CCDC13: variants seen among roughly 807,000 people sequenced by gnomAD.
CCDC13 encodes coiled-coil domain-containing protein 13.
CCDC13 carries 70 observed loss-of-function variants against 87.3 expected under a neutral mutation model. The ratio of observed to expected loss-of-function variants is 0.80; its 90% CI spans 0.66 to 0.98. The LOEUF (loss-of-function observed/expected upper bound fraction) is 0.98. CCDC13 is among the 50% of genes least tolerant of loss of function. CCDC13 has a pLI of 0.00. For synonymous variants in CCDC13, 317 were observed against 360.3 expected (o/e 0.88, Z 1.36); for missense variants, 842 against 892.0 (o/e 0.94, Z 0.71).
intron 11 of CCDC13, 74 bp downstream of exon 11, chr3:42,733,396 G>C: frequency 6.3e-7 from 1 of 1,578,554 alleles, no homozygotes; most frequent in Non-Finnish European, 8.7e-7. Context: ...TCCCATCAGA[G>C]GTAGCAAGAA....
In CCDC13 at chr3:42,767,808, C is replaced by T. The variant is rs1049234306; in HGVS notation, c.-7+5368G>A. Among the ~76,000 whole-genome samples, 4 of 152,146 alleles carry T rather than the reference C, an allele frequency of 2.6e-5. No homozygotes were observed. The Middle Eastern group carries it at 0.01, about 388-fold the overall frequency. Reference sequence around the variant, plus strand: ...TGGCAAATGTGGTAAAACCCCGTCTCTACTAAAAATACAAAAATTGCCAGG... The same window carrying T: ...TGGCAAATGTGGTAAAACCCCGTCTTTACTAAAAATACAAAAATTGCCAGG... On this transcript the variant is annotated intron_variant, in intron 1 of 15. Transcript: ENST00000310232.
At chr3:42,770,527 T>C (rs13064320) in intron 1 of CCDC13, 26,678 of 152,200 alleles carry the variant, frequency 0.18, 2,509 homozygotes, top group South Asian at 0.26. Flanking sequence ...GGGCTCTCTG[T>C]AAAATGGACC....
chr3:42,731,165 A>AC (rs1250977383), intron 12 of CCDC13, among the ~76,000 whole-genome samples: 1 of 143,168 alleles, frequency 7.0e-6, no homozygotes, highest in Admixed American at 6.9e-5. Flanking sequence ...CCCAACTTCA[A>AC]CCCCCCAGAG....
At chr3:42,711,246 C>CAAAAAAAAAAAAAAAAAAA (rs1174084143) in intron 14 of CCDC13, among the ~76,000 whole-genome samples, 8 of 75,330 alleles carry the variant, frequency 1.1e-4, no homozygotes, top group African/African-American at 4.5e-4. Flanking sequence ...ACTCTGTCTC[C>CAAAAAAAAAAAAAAAAAAA]AAAAAAAAAA....
At chr3:42,749,071 A>T (rs1340707827) in intron 5 of CCDC13, among the ~76,000 whole-genome samples, 2 of 151,786 alleles carry the variant, frequency 1.3e-5, no homozygotes, top group African/African-American at 2.4e-5. Flanking sequence ...CCTTTTTTTT[A>T]AAGTATATTT....
At chr3:42,758,597 C>T (rs1463796816) in intron 1 of CCDC13, among the ~76,000 whole-genome samples, 1 of 152,202 alleles carries the variant, frequency 6.6e-6, no homozygotes, top group African/African-American at 2.4e-5. Flanking sequence ...CTCCATCACT[C>T]AGACTCAACA....
chr3:42,729,137 G>C (rs1341546839), intron 13 of CCDC13, among the ~76,000 whole-genome samples: 1 of 152,194 alleles, frequency 6.6e-6, no homozygotes, highest in East Asian at 1.9e-4. Context: ...GAAGCCACTA[G>C]GTTTGGGATG....
At chr3:42,738,232 G>A (rs1360390537) in intron 9 of CCDC13, among the ~76,000 whole-genome samples, 1 of 152,128 alleles carries the variant, frequency 6.6e-6, no homozygotes, top group East Asian at 1.9e-4. Flanking sequence ...GATGTGTGGT[G>A]TTATTTCTGA....
intron 5 of CCDC13, among the ~76,000 whole-genome samples, chr3:42,748,483 G>T (rs1559655100): frequency 6.6e-6 from 1 of 152,238 alleles, no homozygotes; most frequent in South Asian, 2.1e-4. Context: ...TGAACTTCAG[G>T]AAGCAGGGCT....
chr3:42,747,144 G>A (rs1449533284), intron 6 of CCDC13, 113 bp downstream of exon 6: 8 of 825,486 alleles, frequency 9.7e-6, no homozygotes. Context: ...CAAGCAGTGT[G>A]CTCAAGGGAC....
rs869064282 is a variant in CCDC13 at position 42,772,267 on chromosome 3, CAAAAAAAAA to C, written c.-7+900_-7+908del. On this transcript the variant is annotated intron_variant, in intron 1 of 15. Transcript: ENST00000310232. ...CCTGGGCGATAGAGCGAGACTCCGT[CAAAAAAAAA>C]AAAAAAAAAAAAAAGTAATAATAAA... 6.9e-4 allele frequency among the ~76,000 whole-genome samples: 79 copies of C among 113,850 alleles called. 1 individual carries two copies. Among genetic ancestry groups the C allele is most frequent in the African/African-American group, 2.6e-3 (77 of 29,228 alleles). 74.7% of individuals were successfully genotyped at this position (113,850 alleles called of 152,430 possible).
chr3:42,739,542 G>T, intron 9 of CCDC13, 92 bp downstream of exon 9: 7 of 1,388,380 alleles, frequency 5.0e-6, no homozygotes, highest in Non-Finnish European at 6.9e-6. Context: ...TGGCATTGAG[G>T]GGTGAGTGAG....
rs117005887 is a variant in CCDC13 at position 42,732,944 on chromosome 3, A to C, written c.1538T>G (p.Leu513Arg). ...AGGCCTCGTGAGAGCAGATTCCACC[A>C]GTGTGTGGCCCAGGCTGGTCACAGA... ...SRSVTSLGHTLVESALTRPSL... is the reference protein window; with the variant it reads ...SRSVTSLGHTRVESALTRPSL... The change falls in exon 12 of 16, where the codon CTG becomes CGG. Residue 513 changes from leucine (L) to arginine (R), a missense_variant. Physicochemically the swap from Leu to Arg is moderately radical, Grantham distance 102. Coordinates refer to ENST00000310232, the MANE Select transcript of CCDC13 (RefSeq NM_144719.4). 3.0e-5 allele frequency: 47 copies of C among 1,553,746 alleles called. No homozygotes were observed. In the East Asian group the frequency reaches 1.1e-3, roughly 38 times the overall value.
Position 42,708,968 on chromosome 3 carries a change from T to A in CCDC13, c.*12A>T. 6.2e-7 allele frequency: 1 copy of A among 1,606,942 alleles called. No individual in the cohort carries two copies. Among genetic ancestry groups the A allele is most frequent in the Non-Finnish European group, 8.5e-7 (1 of 1,176,552 alleles). On this transcript the variant is annotated 3_prime_UTR_variant, in exon 16 of 16. Coordinates refer to ENST00000310232, the MANE Select transcript of CCDC13 (RefSeq NM_144719.4). Reference sequence around the variant, plus strand: ...GCTGCCCACCCGGCCAGGCCGACACTGGGCTGTCATCCTATTGCTTGCCTG... The same window carrying A: ...GCTGCCCACCCGGCCAGGCCGACACAGGGCTGTCATCCTATTGCTTGCCTG...
intron 8 of CCDC13, 51 bp downstream of exon 8, chr3:42,742,845 C>T (rs750960688): frequency 6.2e-7 from 1 of 1,604,352 alleles, no homozygotes; most frequent in South Asian, 1.1e-5. Flanking sequence ...CAGGCACCAT[C>T]ATGATCTCTC....
At chr3:42,732,050 G>A (rs1575290384) in intron 12 of CCDC13, among the ~76,000 whole-genome samples, 1 of 152,186 alleles carries the variant, frequency 6.6e-6, no homozygotes, top group African/African-American at 2.4e-5. Context: ...ACCTCAGAGA[G>A]GCAGAGCCTC....
At chr3:42,705,353 T>C (rs750285630), downstream of CCDC13, among the ~76,000 whole-genome samples, 16 of 152,032 alleles carry the variant, frequency 1.1e-4, no homozygotes, top group Non-Finnish European at 2.1e-4. Flanking sequence ...CCAGTGACAA[T>C]GTAGTGTGTT....
At chr3:42,748,303 G>A (rs1699475568) in intron 5 of CCDC13, among the ~76,000 whole-genome samples, 1 of 152,186 alleles carries the variant, frequency 6.6e-6, no homozygotes, top group Non-Finnish European at 1.5e-5. Flanking sequence ...GGTGACACAG[G>A]TGGGATGAGA....
chr3:42,767,248 G>A (rs1454693970), intron 1 of CCDC13, among the ~76,000 whole-genome samples: 1 of 151,608 alleles, frequency 6.6e-6, no homozygotes, highest in African/African-American at 2.4e-5. Flanking sequence ...TTAATACACA[G>A]AAGTCAAATG....
Sources: allele counts gnomAD v4.1 joint callset (sites outside exome capture counted in the v4.1 genomes callset), GRCh38; gene constraint gnomAD v4.1.1; transcripts MANE v1.5; gene names NCBI Gene and HGNC (gene_info 2026-07-23, HGNC 2026-07-21).